The following NBAS variants were observed in gnomAD, a reference collection of about 807,000 sequenced individuals.
NBAS encodes NAG/BC035112 fusion.
In NBAS, 219 loss-of-function variants were observed where a neutral mutation model predicts 302.5. The ratio of observed to expected loss-of-function variants is 0.72; its 90% CI spans 0.65 to 0.81. The LOEUF is 0.81. NBAS is among the 30% of genes least tolerant of loss of function. The pLI is 0.00. For synonymous variants in NBAS, 1,118 were observed against 1,021.6 expected (o/e 1.09, Z -1.80); for missense variants, 2,932 against 2,841.6 (o/e 1.03, Z -0.72).
chr2:15,173,866 T>G (rs1158180999), intron 51 of NBAS, among the ~76,000 whole-genome samples: 1 of 152,266 alleles, frequency 6.6e-6, no homozygotes, highest in African/African-American at 2.4e-5. Flanking sequence ...ATTTCACATG[T>G]CAATCTCTCC....
chr2:15,011,085 G>T, the NBAS span, among the ~76,000 whole-genome samples: 1 of 152,122 alleles, frequency 6.6e-6, no homozygotes, highest in Non-Finnish European at 1.5e-5. Context: ...GTATTGTGGG[G>T]CCTAAGCATT....
the NBAS span, among the ~76,000 whole-genome samples, chr2:14,779,831 T>G: frequency 6.6e-6 from 1 of 152,222 alleles, no homozygotes; most frequent in Non-Finnish European, 1.5e-5. Flanking sequence ...AAGAGTTTAT[T>G]GTATACAGTA....
intron 21 of NBAS, among the ~76,000 whole-genome samples, chr2:15,435,893 C>G (rs75985453): frequency 0.013 from 1,933 of 152,224 alleles, 31 homozygotes; most frequent in East Asian, 0.059. Flanking sequence ...GATAAATACC[C>G]CTTTGTGTCC....
the NBAS span, among the ~76,000 whole-genome samples, chr2:14,806,784 G>A: frequency 3.3e-5 from 5 of 152,196 alleles, no homozygotes; most frequent in African/African-American, 7.2e-5. Context: ...TTTGAGCAAC[G>A]CTCATAAATA....
At chr2:15,419,711 AT>A (rs1020184165) in intron 23 of NBAS, among the ~76,000 whole-genome samples, 1 of 151,210 alleles carries the variant, frequency 6.6e-6, no homozygotes, top group Non-Finnish European at 1.5e-5. Context: ...TTGGTTGACG[AT>A]TTTTTTCTTT....
At chr2:15,053,178 TAAA>T in the NBAS span, among the ~76,000 whole-genome samples, 11 of 152,190 alleles carry the variant, frequency 7.2e-5, no homozygotes, top group African/African-American at 2.4e-4. Context: ...GTTTAGATAT[TAAA>T]GAAGAAGGTA....
At chr2:15,324,948 C>T (rs1443062740) in intron 38 of NBAS, among the ~76,000 whole-genome samples, 1 of 152,186 alleles carries the variant, frequency 6.6e-6, no homozygotes, top group Admixed American at 6.5e-5. Flanking sequence ...AGGAGGCCGA[C>T]TAACCCAGAA....
the NBAS span, among the ~76,000 whole-genome samples, chr2:15,071,308 T>C: frequency 6.6e-6 from 1 of 152,172 alleles, no homozygotes; most frequent in Non-Finnish European, 1.5e-5. Context: ...TACTATTATA[T>C]GGCCTGCAGT....
chr2:15,003,283 T>C, the NBAS span, among the ~76,000 whole-genome samples: 1 of 152,212 alleles, frequency 6.6e-6, no homozygotes, highest in Non-Finnish European at 1.5e-5. Context: ...GTGTTTTGAA[T>C]GATCAAGGAG....
intron 28 of NBAS, among the ~76,000 whole-genome samples, chr2:15,391,388 A>C (rs1399792012): frequency 6.6e-6 from 1 of 151,998 alleles, no homozygotes; most frequent in Non-Finnish European, 1.5e-5. Context: ...TAAAAAAAAA[A>C]CTCTTAATGA....
At chr2:14,978,798 T>A in the NBAS span, among the ~76,000 whole-genome samples, 32 of 152,162 alleles carry the variant, frequency 2.1e-4, no homozygotes, top group African/African-American at 7.5e-4. Context: ...CTTTGCAACA[T>A]TACATTTCAA....
At chr2:14,934,356 T>A in the NBAS span, among the ~76,000 whole-genome samples, 1 of 151,916 alleles carries the variant, frequency 6.6e-6, no homozygotes, top group African/African-American at 2.4e-5. Flanking sequence ...GAAATTAGCA[T>A]ATTTATTCAA....
the NBAS span, among the ~76,000 whole-genome samples, chr2:14,855,908 A>C: frequency 6.6e-6 from 1 of 152,332 alleles, no homozygotes; most frequent in South Asian, 2.1e-4. Context: ...GTAGAGCCCC[A>C]GGGCATTGAA....
the NBAS span, among the ~76,000 whole-genome samples, chr2:15,145,475 C>A: frequency 6.6e-6 from 1 of 151,026 alleles, no homozygotes; most frequent in Non-Finnish European, 1.5e-5. Flanking sequence ...TAAAGGAAAG[C>A]TTTTATTATG....
intron 35 of NBAS, among the ~76,000 whole-genome samples, chr2:15,338,336 T>C (rs1178109100): frequency 2.6e-5 from 4 of 152,156 alleles, no homozygotes. Context: ...TCCTCCAACA[T>C]AGCCTTAAAT....
intron 49 of NBAS, among the ~76,000 whole-genome samples, chr2:15,189,873 T>A (rs1038959420): frequency 6.6e-6 from 1 of 152,214 alleles, no homozygotes; most frequent in Non-Finnish European, 1.5e-5. Context: ...ATAATATATG[T>A]AAATTGCACA....
chr2:14,838,958 G>A, the NBAS span, among the ~76,000 whole-genome samples: 1 of 151,980 alleles, frequency 6.6e-6, no homozygotes, highest in Non-Finnish European at 1.5e-5. Context: ...AAAGAATGTT[G>A]AAAGAAACTA....
At chr2:15,371,177 C>G (rs560081243) in intron 31 of NBAS, among the ~76,000 whole-genome samples, 1 of 152,282 alleles carries the variant, frequency 6.6e-6, no homozygotes, top group East Asian at 1.9e-4. Flanking sequence ...ATATACTCTT[C>G]TCTTTCCCGC....
chr2:15,182,207 G>A (rs56844830), intron 50 of NBAS, among the ~76,000 whole-genome samples: 3,574 of 152,316 alleles, frequency 0.023, 118 homozygotes, highest in African/African-American at 0.079. Context: ...GGCACTAGCC[G>A]TGCCTCTTGG....
Sources: allele counts gnomAD v4.1 joint callset (sites outside exome capture counted in the v4.1 genomes callset), GRCh38; gene constraint gnomAD v4.1.1; transcripts MANE v1.5; gene names NCBI Gene and HGNC (gene_info 2026-07-23, HGNC 2026-07-21).